ZNF697: variants seen among roughly 807,000 people sequenced by gnomAD.
ZNF697 encodes zinc finger protein 697.
In ZNF697, 23 loss-of-function variants were observed where a neutral mutation model predicts 32.4. The ratio of observed to expected loss-of-function variants is 0.71; its 90% CI spans 0.51 to 1.01. The LOEUF is 1.01. Among genes scored for constraint, ZNF697 ranks in the 50% least tolerant of loss-of-function variants. ZNF697 has a pLI of 0.00. For synonymous variants in ZNF697, 418 were observed against 337.2 expected, an observed-to-expected ratio of 1.24 and a Z score of -2.62; for missense variants, 930 against 794.0, an observed-to-expected ratio of 1.17 and a Z score of -2.06.
At chr1:119,642,678 TAAAA>T (rs1343240530) in intron 1 of ZNF697, among the ~76,000 whole-genome samples, 1 of 152,036 alleles carries the variant, frequency 6.6e-6, no homozygotes, top group Admixed American at 6.5e-5. Context: ...TAAAATGAAA[TAAAA>T]AAACACATTC....
Position 119,619,781 on chromosome 1 carries a change from A to G in ZNF697, c.*2924T>C, listed in dbSNP as rs984638461. On this transcript the variant is annotated 3_prime_UTR_variant, in exon 3 of 3. Transcript: ENST00000421812. ...TTCTCATTTTCTCCTTCCAACTCGG[A>G]GCTCAAGATTTAATCAAAACCATTT... The G allele has an allele frequency of 6.6e-6, 1 of 152,588 alleles. No homozygotes were observed. The highest frequency in any genetic ancestry group is 1.5e-5 in the Non-Finnish European group (1 of 68,026). 9.5% of individuals were successfully genotyped at this position (152,588 alleles called of 1,614,324 possible).
Position 119,623,458 on chromosome 1 carries a change from G to T in ZNF697, c.885C>A (p.Gly295=). 1 of 1,560,016 alleles carries T rather than the reference G, an allele frequency of 6.4e-7. No individual in the cohort carries two copies. The highest frequency in any genetic ancestry group is 8.7e-7 in the Non-Finnish European group (1 of 1,154,632). Residue 295 remains glycine, a synonymous_variant, in exon 3 of 3, where the codon GGC becomes GGA. Transcript: ENST00000421812. ...GGTCGGCGCGCCAGCTGAAGCTCTTGCCGCAGTCGGCGCACAGGTTGGGCC... is the reference window on the plus strand; with the variant it reads ...GGTCGGCGCGCCAGCTGAAGCTCTTTCCGCAGTCGGCGCACAGGTTGGGCC... The part of the protein sequence containing the change: ...GERPNLCADC[G]KSFSWRADLL...
intron 1 of ZNF697, among the ~76,000 whole-genome samples, chr1:119,632,725 A>G (rs940375456): frequency 6.6e-6 from 1 of 152,180 alleles, no homozygotes; most frequent in African/African-American, 2.4e-5. Flanking sequence ...TGCACGAAAT[A>G]AGAATTAGTG....
At position 119,621,440 on chromosome 1, in the gene ZNF697, T is replaced by G. The variant is rs1648306639; in HGVS notation, c.*1265A>C. The G allele has an allele frequency of 6.6e-6, 1 of 152,642 alleles. No individual in the cohort carries two copies. The allele number at this position is 152,642 out of a possible 1,614,324, so 9.5% of individuals were successfully genotyped here. A position where few individuals can be genotyped will look rare whatever the true frequency, so the allele number is the denominator to read the frequency against. ...GCACTTTGCAAATATCAAAGTGCTATTTTGGCATCTATATAACAACCAGAA... is the reference window on the plus strand; with the variant it reads ...GCACTTTGCAAATATCAAAGTGCTAGTTTGGCATCTATATAACAACCAGAA... On this transcript the variant is annotated 3_prime_UTR_variant, in exon 3 of 3. Transcript: ENST00000421812.
chr1:119,639,948 C>G (rs192905776), intron 1 of ZNF697, among the ~76,000 whole-genome samples: 1 of 152,300 alleles, frequency 6.6e-6, no homozygotes, highest in Admixed American at 6.5e-5. Flanking sequence ...TGTTCAACCT[C>G]TTTTGGCCTT....
intron 2 of ZNF697, 47 bp from the exon 3 acceptor site, chr1:119,624,163 C>A: frequency 1.3e-6 from 2 of 1,512,224 alleles, no homozygotes; most frequent in South Asian, 1.3e-5. Context: ...ACTTGGCATT[C>A]AAAAGATAAG....
intron 1 of ZNF697, 134 bp from the exon 2 acceptor site, chr1:119,626,271 C>A: frequency 8.2e-7 from 1 of 1,214,106 alleles, no homozygotes; most frequent in Non-Finnish European, 1.1e-6. Context: ...CTTCACTCCA[C>A]ATTTTAAAGT....
intron 1 of ZNF697, among the ~76,000 whole-genome samples, chr1:119,645,637 C>T (rs967732792): frequency 4.6e-5 from 7 of 152,034 alleles, no homozygotes; most frequent in African/African-American, 1.7e-4. Context: ...ATTGGGGTGG[C>T]ACAGGTCCAG....
chr1:119,646,068 G>T (rs587616568), intron 1 of ZNF697, among the ~76,000 whole-genome samples: 1 of 152,106 alleles, frequency 6.6e-6, no homozygotes, highest in Non-Finnish European at 1.5e-5. Context: ...CCTTAGTCAT[G>T]CTGCTGATGT....
intron 1 of ZNF697, among the ~76,000 whole-genome samples, chr1:119,630,077 G>A (rs756222142): frequency 1.3e-5 from 2 of 152,216 alleles, no homozygotes; most frequent in Non-Finnish European, 2.9e-5. Context: ...GTTTAAGGGG[G>A]AAAAGCAATA....
chr1:119,639,253 C>A (rs1649002540), intron 1 of ZNF697, among the ~76,000 whole-genome samples: 1 of 152,102 alleles, frequency 6.6e-6, no homozygotes, highest in South Asian at 2.1e-4. Context: ...CTCTTTTTTT[C>A]AGTTGCCACT....
At chr1:119,647,317 G>A (rs1649239786) in intron 1 of ZNF697, among the ~76,000 whole-genome samples, 1 of 152,102 alleles carries the variant, frequency 6.6e-6, no homozygotes, top group Non-Finnish European at 1.5e-5. Context: ...CGAGGTGCAG[G>A]TTCCAGCTTT....
At chr1:119,626,842 G>A (rs587660197) in intron 1 of ZNF697, among the ~76,000 whole-genome samples, 3 of 152,204 alleles carry the variant, frequency 2.0e-5, no homozygotes, top group African/African-American at 7.2e-5. Context: ...AGAGGTACAG[G>A]GGACCCTCTA....
At chr1:119,639,811 T>C (rs1209560747) in intron 1 of ZNF697, among the ~76,000 whole-genome samples, 1 of 151,528 alleles carries the variant, frequency 6.6e-6, no homozygotes, top group Admixed American at 6.6e-5. Context: ...CCAGAAGGTA[T>C]TCACACCACT....
chr1:119,646,721 G>A (rs973000296), intron 1 of ZNF697, among the ~76,000 whole-genome samples: 1 of 152,150 alleles, frequency 6.6e-6, no homozygotes, highest in African/African-American at 2.4e-5. Flanking sequence ...AGAGAAGAAG[G>A]TAAACAGTTG....
rs74702216 is a variant in ZNF697 at position 119,626,031 on chromosome 1, A to C, written c.70T>G (p.Phe24Val). The change falls in exon 2 of 3, where the codon TTT becomes GTT. Residue 24 changes from phenylalanine (F) to valine (V), a missense_variant. Physicochemically the swap from Phe to Val is conservative, Grantham distance 50. Coordinates refer to ENST00000421812, the MANE Select transcript of ZNF697 (RefSeq NM_001080470.2). Reference sequence around the variant, plus strand: ...CCTTCCCTGTCCTCAGAGTCCTCAAAATCAGAACCCATCCCTTTGTCTTCT... The same window carrying C: ...CCTTCCCTGTCCTCAGAGTCCTCAACATCAGAACCCATCCCTTTGTCTTCT... ...DSEDKGMGSD[F>V]EDSEDREGDP... 1.9e-3 allele frequency: 3,114 copies of C among 1,613,638 alleles called. 66 individuals carry two copies. In the East Asian group the frequency reaches 0.048, roughly 25 times the overall value.
intron 1 of ZNF697, among the ~76,000 whole-genome samples, chr1:119,630,832 C>T (rs752731037): frequency 5.9e-5 from 9 of 151,846 alleles, no homozygotes; most frequent in Non-Finnish European, 7.4e-5. Context: ...CACCTTCCCC[C>T]GCACTCCAGC....
chr1:119,647,966 G>T lies in ZNF697; in HGVS notation c.-313C>A, dbSNP rs1034643078. On this transcript the variant is annotated 5_prime_UTR_variant, in exon 1 of 3. Transcript: ENST00000421812. ...AGGCACAACTTCGCCCAGCCGTTCC[G>T]CCACCGCACTCGAACACACACCCCA... Among the ~76,000 whole-genome samples, 18 of 152,142 alleles carry T rather than the reference G, an allele frequency of 1.2e-4. No homozygotes were observed. Among genetic ancestry groups the T allele is most frequent in the African/African-American group, 4.1e-4 (17 of 41,442 alleles).
chr1:119,637,062 C>T (rs587735258), intron 1 of ZNF697, among the ~76,000 whole-genome samples: 1 of 152,314 alleles, frequency 6.6e-6, no homozygotes, highest in South Asian at 2.1e-4. Flanking sequence ...ACACAAAATG[C>T]TTTGTTATTT....
Sources: gnomAD v4.1 joint callset for allele counts (sites outside exome capture counted in the v4.1 genomes callset) on GRCh38, gnomAD v4.1.1 for gene constraint, MANE v1.5 for transcripts, NCBI Gene and HGNC (gene_info 2026-07-23, HGNC 2026-07-21) for gene names.